The following CTNNA2 variants were observed in gnomAD, a reference collection of about 807,000 sequenced individuals.
CTNNA2 encodes catenin alpha 2.
CTNNA2 carries 42 observed loss-of-function variants against 101.0 expected under a neutral mutation model. That is an observed-to-expected ratio of 0.42 (90% CI 0.32 to 0.54). The LOEUF (loss-of-function observed/expected upper bound fraction) is 0.54. Among genes scored for constraint, CTNNA2 ranks in the 20% least tolerant of loss-of-function variants. The pLI is 0.14. For synonymous variants in CTNNA2, 450 were observed against 456.4 expected, an observed-to-expected ratio of 0.99 and a Z score of 0.18; for missense variants, 871 against 1,223.1, an observed-to-expected ratio of 0.71 and a Z score of 4.29.
intron 2 of CTNNA2, among the ~76,000 whole-genome samples, chr2:79,730,698 A>T (rs1687141691): frequency 6.6e-6 from 1 of 152,022 alleles, no homozygotes; most frequent in Non-Finnish European, 1.5e-5. Flanking sequence ...TATCATAGTT[A>T]CCATGATTTG....
At chr2:80,271,421 CTTT>C (rs201098852) in intron 7 of CTNNA2, among the ~76,000 whole-genome samples, 1 of 139,808 alleles carries the variant, frequency 7.2e-6, no homozygotes, top group South Asian at 2.3e-4. Flanking sequence ...TATCCTCAGT[CTTT>C]TTTTTTTTTT....
Position 80,647,966 on chromosome 2 carries a change from T to A in CTNNA2, c.*94T>A, listed in dbSNP as rs1024320503. 5 of 1,228,280 alleles carry A rather than the reference T, an allele frequency of 4.1e-6. No homozygotes were observed. In the Admixed American group the frequency reaches 1.3e-4, roughly 31 times the overall value. 76.1% of individuals were successfully genotyped at this position (1,228,280 alleles called of 1,614,324 possible). A position where few individuals can be genotyped will look rare whatever the true frequency, so the allele number is the denominator to read the frequency against. Reference sequence around the variant, plus strand: ...TTGTATGCATACCTGCCAGCTCGTATGCCTCTGGCATGGGGAAATTAAGGG... The same window carrying A: ...TTGTATGCATACCTGCCAGCTCGTAAGCCTCTGGCATGGGGAAATTAAGGG... On this transcript the variant is annotated 3_prime_UTR_variant, in exon 19 of 19. Transcript: ENST00000402739.
intron 2 of CTNNA2, among the ~76,000 whole-genome samples, chr2:79,736,922 C>T (rs13024878): frequency 0.22 from 33,012 of 152,140 alleles, 3,678 homozygotes; most frequent in Non-Finnish European, 0.25. Context: ...CTCTCACTTT[C>T]CCAAGTTCCT....
chr2:80,021,610 C>G (rs983133297), intron 7 of CTNNA2, among the ~76,000 whole-genome samples: 4 of 151,982 alleles, frequency 2.6e-5, no homozygotes, highest in African/African-American at 9.7e-5. Flanking sequence ...TTTTAACTGA[C>G]AAAAGTTGTA....
chr2:79,616,638 C>T (rs909066250), intron 1 of CTNNA2, among the ~76,000 whole-genome samples: 1 of 152,178 alleles, frequency 6.6e-6, no homozygotes, highest in African/African-American at 2.4e-5. Flanking sequence ...TGCCTGCCTT[C>T]ATCTCATTGC....
At chr2:80,420,337 C>G (rs1040984014) in intron 9 of CTNNA2, among the ~76,000 whole-genome samples, 78 of 151,996 alleles carry the variant, frequency 5.1e-4, no homozygotes, top group African/African-American at 1.7e-3. Context: ...AGTTGTTGCA[C>G]AACAAAATAT....
At chr2:80,366,009 A>G (rs1674899710) in intron 7 of CTNNA2, among the ~76,000 whole-genome samples, 3 of 152,136 alleles carry the variant, frequency 2.0e-5, no homozygotes, top group Admixed American at 1.3e-4. Context: ...TTAAACTGAC[A>G]GGGAACTCGA....
chr2:79,462,213 T>A (rs1670886469), intron 4 of CTNNA2, among the ~76,000 whole-genome samples: 1 of 152,212 alleles, frequency 6.6e-6, no homozygotes, highest in African/African-American at 2.4e-5. Flanking sequence ...GTCAACTTGT[T>A]ATTTTTATGT....
chr2:79,883,691 A>C (rs2104140916), intron 6 of CTNNA2, among the ~76,000 whole-genome samples: 1 of 152,328 alleles, frequency 6.6e-6, no homozygotes, highest in Admixed American at 6.5e-5. Context: ...CAATTCCTAC[A>C]GAATTTTCTT....
chr2:79,629,728 G>A (rs1451617546), intron 1 of CTNNA2, among the ~76,000 whole-genome samples: 1 of 152,154 alleles, frequency 6.6e-6, no homozygotes, highest in East Asian at 1.9e-4. Context: ...AGGGAGGAAA[G>A]GATGCTGAAG....
At chr2:79,674,487 T>C (rs1683056919) in intron 2 of CTNNA2, among the ~76,000 whole-genome samples, 1 of 152,022 alleles carries the variant, frequency 6.6e-6, no homozygotes, top group African/African-American at 2.4e-5. Context: ...ATAGAAAAAA[T>C]ATATAAGAAA....
chr2:80,302,884 G>T lies in CTNNA2; in HGVS notation c.1057-90327G>T. The T allele has an allele frequency of 1.2e-6, 2 of 1,614,124 alleles. No homozygotes were observed. Among genetic ancestry groups the T allele is most frequent in the Non-Finnish European group, 1.7e-6 (2 of 1,180,026 alleles). On this transcript the variant is annotated intron_variant, in intron 7 of 18. Coordinates refer to ENST00000402739, the MANE Select transcript of CTNNA2 (RefSeq NM_001282597.3). The surrounding 1 kb of genome is among the most constrained non-coding windows in gnomAD (Gnocchi z 6.4). The stretch of plus-strand genomic sequence containing the variant: ...TGCGCCCGCAATCCCACAGGTTCCC[G>T]GCCAGGGTGATGCTTGTCAGGGACT...
intron 7 of CTNNA2, among the ~76,000 whole-genome samples, chr2:80,193,131 C>T (rs969517494): frequency 6.6e-6 from 1 of 152,274 alleles, no homozygotes; most frequent in South Asian, 2.1e-4. Context: ...AAACCCTTGA[C>T]CTTTATCTTA....
chr2:79,296,237 T>A lies in CTNNA2; in HGVS notation c.-405-16472T>A, dbSNP rs192716126. Among the ~76,000 whole-genome samples the A allele has an allele frequency of 4.1e-3, 624 of 152,280 alleles. 11 individuals carry two copies. The highest frequency in any genetic ancestry group is 0.014 in the African/African-American group (587 of 41,578). ...ACAGCAGATAAGGAATCATCATTTATATCCAGCTGTAGAATGGAGAATGCC... is the reference window on the plus strand; with the variant it reads ...ACAGCAGATAAGGAATCATCATTTAAATCCAGCTGTAGAATGGAGAATGCC... On this transcript the variant is annotated intron_variant, in intron 2 of 21. Coordinates refer to the CTNNA2 transcript ENST00000466387.
intron 9 of CTNNA2, among the ~76,000 whole-genome samples, chr2:80,446,206 A>G (rs761939366): frequency 7.9e-5 from 12 of 152,178 alleles, no homozygotes; most frequent in Non-Finnish European, 1.6e-4. Context: ...CAGAGCTCCT[A>G]TGAGTGACTT....
chr2:79,489,439 C>G lies in CTNNA2; in HGVS notation c.-134-15615C>G, dbSNP rs550157658. 5.3e-5 allele frequency among the ~76,000 whole-genome samples: 8 copies of G among 152,214 alleles called. No homozygotes were observed. In the South Asian group the frequency reaches 1.5e-3, roughly 28 times the overall value. ...TTCATGGAGGAAAGGTATATTTACA[C>G]AAGAATAATGGCAAGTGAGAAACAA... On this transcript the variant is annotated intron_variant, in intron 4 of 21. Coordinates refer to the CTNNA2 transcript ENST00000466387.
At chr2:80,639,695 T>C (rs79082154) in intron 18 of CTNNA2, among the ~76,000 whole-genome samples, 31 of 152,338 alleles carry the variant, frequency 2.0e-4, no homozygotes, top group African/African-American at 7.2e-4. Flanking sequence ...AATCTTCTCC[T>C]TAATGATTTC....
At chr2:80,628,646 G>A (rs72926521) in intron 18 of CTNNA2, among the ~76,000 whole-genome samples, 8 of 151,866 alleles carry the variant, frequency 5.3e-5, no homozygotes, top group South Asian at 2.1e-4. Context: ...TAGTTGTTCC[G>A]CAAACAGTTT....
chr2:80,500,244 G>A (rs1687776023), intron 9 of CTNNA2, among the ~76,000 whole-genome samples: 2 of 152,134 alleles, frequency 1.3e-5, no homozygotes, highest in Admixed American at 6.6e-5. Context: ...CCGCAAAAAT[G>A]CAGAATAAAA....
Sources: gnomAD v4.1 joint callset for allele counts (sites outside exome capture counted in the v4.1 genomes callset) on GRCh38, gnomAD v4.1.1 for gene constraint, Gnocchi (gnomAD v3.1) non-coding constraint, MANE v1.5 for transcripts, NCBI Gene and HGNC (gene_info 2026-07-23, HGNC 2026-07-21) for gene names.